KDM4B: variants seen among roughly 807,000 people sequenced by gnomAD.
KDM4B encodes the protein lysine demethylase 4B.
KDM4B carries 32 observed loss-of-function variants against 125.2 expected under a neutral mutation model. The ratio of observed to expected loss-of-function variants is 0.26; its 90% CI spans 0.19 to 0.34. The LOEUF is 0.34. Ranked by LOEUF, KDM4B falls within the 10% of genes least tolerant of loss-of-function variation. The pLI is 1.00. For missense variants in KDM4B, 1,190 were observed against 1,577.7 expected (o/e 0.75, Z 4.16); for synonymous variants, 721 against 677.9 (o/e 1.06, Z -0.99).
At chr19:4,970,531 C>G (rs892171828) in intron 1 of KDM4B, among the ~76,000 whole-genome samples, 2 of 152,330 alleles carry the variant, frequency 1.3e-5, no homozygotes, top group Non-Finnish European at 2.9e-5. Flanking sequence ...TCCTCTGCCT[C>G]AATGGCCATT....
chr19:4,972,969 C>T (rs1199782214), intron 1 of KDM4B, among the ~76,000 whole-genome samples: 1 of 152,150 alleles, frequency 6.6e-6, no homozygotes, highest in Non-Finnish European at 1.5e-5. Context: ...CTGGGCTGCT[C>T]TTTGGCCTCT....
At chr19:5,054,459 AGAATGTG>A (rs2037330720) in intron 6 of KDM4B, among the ~76,000 whole-genome samples, 2 of 110,194 alleles carry the variant, frequency 1.8e-5, no homozygotes, top group Non-Finnish European at 3.7e-5. Flanking sequence ...TGAGAGAGAG[AGAATGTG>A]TGTGTGTGTG....
intron 2 of KDM4B, among the ~76,000 whole-genome samples, chr19:5,025,297 C>T (rs2036244618): frequency 6.6e-6 from 1 of 152,246 alleles, no homozygotes; most frequent in Non-Finnish European, 1.5e-5. Context: ...CTCCCAGCTT[C>T]CTCTGCGGTG....
chr19:4,973,386 A>G (rs978742577), intron 1 of KDM4B, among the ~76,000 whole-genome samples: 4 of 151,916 alleles, frequency 2.6e-5, no homozygotes, highest in Non-Finnish European at 5.9e-5. Context: ...ACGGGGTTTC[A>G]CCATGTTGAC....
At chr19:5,027,077 G>A (rs115557583) in intron 2 of KDM4B, among the ~76,000 whole-genome samples, 52 of 152,366 alleles carry the variant, frequency 3.4e-4, no homozygotes, top group African/African-American at 9.1e-4. Context: ...CCCGTGAGCG[G>A]GAGACAGAGA....
At position 5,110,679 on chromosome 19, in the gene KDM4B, C is replaced by T. The variant is rs1217828511; in HGVS notation, c.976C>T (p.Gln326Ter). 2 of 1,612,962 alleles carry T rather than the reference C, an allele frequency of 1.2e-6. No individual in the cohort carries two copies. The highest frequency in any genetic ancestry group is 1.3e-5 in the African/African-American group (1 of 74,934). The change falls in exon 10 of 23, where the codon CAG (glutamine) becomes TAG (stop). Residue 326 changes from glutamine to a stop codon, truncating the protein, a stop_gained. Transcript: ENST00000159111. LOFTEE classifies it high-confidence loss of function. ...CATGGACGTGTTCGTGCGCATCCTGCAGCCCGAGCGCTACGAGCTGTGGAA... is the reference window on the plus strand; with the variant it reads ...CATGGACGTGTTCGTGCGCATCCTGTAGCCCGAGCGCTACGAGCTGTGGAA... ...ISMDVFVRIL[Q>*]PERYELWKQG...
intron 6 of KDM4B, 88 bp from the exon 7 acceptor site, chr19:5,070,922 G>A (rs2037927715): frequency 1.1e-5 from 16 of 1,394,284 alleles, no homozygotes; most frequent in Non-Finnish European, 1.6e-5. Flanking sequence ...GGCACTGTCT[G>A]CGTCTCCCCA....
chr19:4,999,060 C>T (rs2035289119), intron 1 of KDM4B, among the ~76,000 whole-genome samples: 1 of 152,110 alleles, frequency 6.6e-6, no homozygotes, highest in South Asian at 2.1e-4. Context: ...GTAAACACGC[C>T]GTTACTCCTC....
chr19:5,145,495 C>T (rs992369707), intron 21 of KDM4B, among the ~76,000 whole-genome samples: 2 of 152,032 alleles, frequency 1.3e-5, no homozygotes, highest in Admixed American at 1.3e-4. Flanking sequence ...GCAGGAGAAT[C>T]GCTTGAACCC....
At position 5,090,903 on chromosome 19, in the gene KDM4B, C is replaced by T. The variant is rs534414083; in HGVS notation, c.918+8399C>T. On this transcript the variant is annotated intron_variant, in intron 9 of 22. Coordinates refer to ENST00000159111, the MANE Select transcript of KDM4B (RefSeq NM_015015.3). ...GGCCAGTGGCTTCGTGTCCTGGGCA[C>T]GTGTCCTGTGCACAGCCCGGTGGGG... Among the ~76,000 whole-genome samples the T allele has an allele frequency of 2.6e-5, 4 of 152,066 alleles. 1 individual carries two copies. The highest frequency in any genetic ancestry group is 2.1e-4 in the South Asian group (1 of 4,818).
At chr19:5,006,760 G>A (rs1412195840) in intron 1 of KDM4B, among the ~76,000 whole-genome samples, 2 of 148,108 alleles carry the variant, frequency 1.4e-5, no homozygotes, top group Non-Finnish European at 3.0e-5. Context: ...GCAACAGAGC[G>A]AAACTCCATC....
At chr19:5,134,849 T>C (rs1322066364) in intron 14 of KDM4B, among the ~76,000 whole-genome samples, 2 of 152,124 alleles carry the variant, frequency 1.3e-5, no homozygotes, top group African/African-American at 2.4e-5. Flanking sequence ...GATTTAGTGC[T>C]CTGGTTCCTG....
At chr19:4,986,352 G>A (rs2034830925) in intron 1 of KDM4B, among the ~76,000 whole-genome samples, 1 of 152,226 alleles carries the variant, frequency 6.6e-6, no homozygotes, top group Non-Finnish European at 1.5e-5. Context: ...TCCCTGTGGG[G>A]CGATGGCGGA....
chr19:5,005,798 C>T (rs2035538728), intron 1 of KDM4B, among the ~76,000 whole-genome samples: 1 of 152,172 alleles, frequency 6.6e-6, no homozygotes, highest in East Asian at 1.9e-4. Flanking sequence ...CAGCGGCTGC[C>T]TCGCCACACA....
Position 5,144,077 on chromosome 19 carries a change from C to T in KDM4B, c.2661C>T (p.Gly887=), listed in dbSNP as rs776115281. Residue 887 remains glycine, a synonymous_variant, in exon 19 of 23, where the codon GGC becomes GGT. Coordinates refer to ENST00000159111, the MANE Select transcript of KDM4B (RefSeq NM_015015.3). ...SFHVTCAHAA[G]VLMEPDDWPY... Reference sequence around the variant, plus strand: ...ACGTGACCTGCGCCCACGCCGCAGGCGTGCTCATGGAGCCGGACGACTGGC... The same window carrying T: ...ACGTGACCTGCGCCCACGCCGCAGGTGTGCTCATGGAGCCGGACGACTGGC... 1.9e-5 allele frequency: 30 copies of T among 1,605,918 alleles called. No homozygotes were observed. The East Asian group carries it at 4.7e-4, about 25-fold the overall frequency.
intron 21 of KDM4B, among the ~76,000 whole-genome samples, chr19:5,146,973 G>C (rs541431483): frequency 2.4e-4 from 34 of 138,994 alleles, no homozygotes; most frequent in African/African-American, 8.7e-4. Context: ...CAAAAACTCT[G>C]CTGGGAAGCA....
At chr19:5,132,837 G>T (rs1170206010) in intron 13 of KDM4B, among the ~76,000 whole-genome samples, 2 of 152,182 alleles carry the variant, frequency 1.3e-5, no homozygotes, top group Non-Finnish European at 2.9e-5. Context: ...GCAGCCAGTG[G>T]CTCTGTTCTC....
At chr19:5,126,562 C>CT (rs1414745307) in intron 11 of KDM4B, among the ~76,000 whole-genome samples, 1 of 152,254 alleles carries the variant, frequency 6.6e-6, no homozygotes, top group Non-Finnish European at 1.5e-5. Flanking sequence ...GCCCCCAGCC[C>CT]TTCCCCTCCC....
chr19:5,137,618 C>T lies in KDM4B; in HGVS notation c.2386-3C>T, dbSNP rs148699643. 4.3e-4 allele frequency: 682 copies of T among 1,604,636 alleles called. 3 individuals carry two copies. In the African/African-American group the frequency reaches 8.0e-3, roughly 19 times the overall value. Reference sequence around the variant, plus strand: ...CTCATCCAGGGCTGTCTGGTCTCCACAGGAGTGCTGCCTGTGCAACCTGCG... The same window carrying T: ...CTCATCCAGGGCTGTCTGGTCTCCATAGGAGTGCTGCCTGTGCAACCTGCG... On this transcript the variant is annotated splice_polypyrimidine_tract_variant and splice_region_variant and intron_variant, in intron 16 of 22. Coordinates refer to ENST00000159111, the MANE Select transcript of KDM4B (RefSeq NM_015015.3).
Sources: gnomAD v4.1 joint callset for allele counts (sites outside exome capture counted in the v4.1 genomes callset) on GRCh38, gnomAD v4.1.1 for gene constraint, MANE v1.5 for transcripts, NCBI Gene and HGNC (gene_info 2026-07-23, HGNC 2026-07-21) for gene names.